Variants in DNAJC3 observed in about 807,000 individuals in gnomAD.
DNAJC3 encodes dnaJ homolog subfamily C member 3.
A neutral mutation model predicts 68.6 loss-of-function variants in DNAJC3; 38 were observed. The observed-to-expected ratio is 0.55, with a 90% CI of 0.43 to 0.73. The LOEUF is 0.73. DNAJC3 is among the 30% of genes least tolerant of loss of function. The pLI, the probability that DNAJC3 is intolerant of heterozygous loss-of-function variation, is 0.00. For missense variants in DNAJC3, 526 were observed against 591.9 expected, an observed-to-expected ratio of 0.89 and a Z score of 1.16; for synonymous variants, 203 against 204.0, an observed-to-expected ratio of 1.00 and a Z score of 0.04.
intron 4 of DNAJC3, among the ~76,000 whole-genome samples, chr13:95,730,175 G>A (rs1020037294): frequency 6.6e-6 from 1 of 151,946 alleles, no homozygotes; most frequent in Non-Finnish European, 1.5e-5. Flanking sequence ...AACATTTTTT[G>A]TAGAGATGGG....
intron 4 of DNAJC3, chr13:95,745,490 A>G (rs1251979722): frequency 1.3e-5 from 2 of 152,204 alleles, no homozygotes; most frequent in Non-Finnish European, 2.9e-5. Context: ...CCCCATTGAC[A>G]TTCCCCACCT....
intron 4 of DNAJC3, among the ~76,000 whole-genome samples, chr13:95,757,014 A>C (rs1028173100): frequency 2.0e-5 from 3 of 152,194 alleles, no homozygotes; most frequent in African/African-American, 7.2e-5. Context: ...GAGCAATTTT[A>C]TGCTATATAA....
At chr13:95,690,853 C>T (rs1385494038) in intron 1 of DNAJC3, among the ~76,000 whole-genome samples, 1 of 142,162 alleles carries the variant, frequency 7.0e-6, no homozygotes, top group Non-Finnish European at 1.6e-5. Context: ...CCTCACTTCC[C>T]AGTAGGGGCG....
chr13:95,730,815 G>A (rs1881685634), intron 4 of DNAJC3, among the ~76,000 whole-genome samples: 1 of 152,114 alleles, frequency 6.6e-6, no homozygotes, highest in Non-Finnish European at 1.5e-5. Flanking sequence ...CATATGAATT[G>A]TATGATTGTT....
chr13:95,767,043 A>G (rs1331364375), intron 9 of DNAJC3, among the ~76,000 whole-genome samples: 3 of 152,188 alleles, frequency 2.0e-5, no homozygotes, highest in African/African-American at 4.8e-5. Flanking sequence ...AAGATACAGT[A>G]TAAAATTTAC....
intron 2 of DNAJC3, among the ~76,000 whole-genome samples, chr13:95,710,623 G>A (rs1880924940): frequency 6.6e-6 from 1 of 152,078 alleles, no homozygotes; most frequent in Non-Finnish European, 1.5e-5. Context: ...ACCTTGATTT[G>A]AATGGTTGAG....
chr13:95,738,629 G>T (rs980611989), intron 4 of DNAJC3, among the ~76,000 whole-genome samples: 2 of 152,096 alleles, frequency 1.3e-5, no homozygotes, highest in African/African-American at 2.4e-5. Context: ...TGTTTTATCA[G>T]AGACAAGGAT....
At chr13:95,727,288 G>A (rs1007254504) in intron 4 of DNAJC3, among the ~76,000 whole-genome samples, 1 of 151,976 alleles carries the variant, frequency 6.6e-6, no homozygotes, top group Non-Finnish European at 1.5e-5. Flanking sequence ...GGCATTGGAT[G>A]TTTCTTCTGG....
chr13:95,709,412 C>A, intron 2 of DNAJC3, 75 bp downstream of exon 2: 1 of 1,019,164 alleles, frequency 9.8e-7, no homozygotes, highest in Non-Finnish European at 1.4e-6. Flanking sequence ...TTAAAAATAA[C>A]ATTTAAAATA....
intron 1 of DNAJC3, among the ~76,000 whole-genome samples, chr13:95,684,049 T>C (rs947163936): frequency 1.3e-5 from 2 of 151,958 alleles, no homozygotes; most frequent in African/African-American, 4.8e-5. Flanking sequence ...ATACCTGAAA[T>C]TGTAGAAGGA....
intron 1 of DNAJC3, among the ~76,000 whole-genome samples, chr13:95,704,928 C>A (rs1223158204): frequency 6.8e-6 from 1 of 147,644 alleles, no homozygotes; most frequent in Non-Finnish European, 1.5e-5. Flanking sequence ...CTCAGCTCAC[C>A]GCAACCTCCA....
At chr13:95,704,943 G>T (rs544466914) in intron 1 of DNAJC3, among the ~76,000 whole-genome samples, 1 of 148,660 alleles carries the variant, frequency 6.7e-6, no homozygotes, top group Non-Finnish European at 1.5e-5. Context: ...CCTCCACCTC[G>T]TGGGTTCAAG....
chr13:95,790,825 C>T, intron 11 of DNAJC3, 48 bp from the exon 12 acceptor site: 2 of 1,591,018 alleles, frequency 1.3e-6, no homozygotes, highest in Non-Finnish European at 1.7e-6. Flanking sequence ...CCCCCTGCCC[C>T]TATACCTTAG....
intron 1 of DNAJC3, among the ~76,000 whole-genome samples, chr13:95,701,601 C>A (rs971414162): frequency 2.0e-5 from 3 of 152,092 alleles, no homozygotes; most frequent in Non-Finnish European, 4.4e-5. Flanking sequence ...GAGATTTACT[C>A]GGTTCTCTTG....
intron 9 of DNAJC3, among the ~76,000 whole-genome samples, chr13:95,772,969 AG>A (rs1370804450): frequency 6.6e-6 from 1 of 152,138 alleles, no homozygotes; most frequent in African/African-American, 2.4e-5. Flanking sequence ...TTCAGTGTTA[AG>A]GATGTACTGG....
At chr13:95,772,064 C>T (rs1176486665) in intron 9 of DNAJC3, among the ~76,000 whole-genome samples, 2 of 152,218 alleles carry the variant, frequency 1.3e-5, no homozygotes, top group South Asian at 2.1e-4. Flanking sequence ...GTTGCAACTA[C>T]TCAGCTCTGC....
chr13:95,703,119 G>A (rs1880626282), intron 1 of DNAJC3, among the ~76,000 whole-genome samples: 1 of 152,100 alleles, frequency 6.6e-6, no homozygotes, highest in South Asian at 2.1e-4. Context: ...GGAAATACAG[G>A]GTTAAGTTTC....
intron 4 of DNAJC3, among the ~76,000 whole-genome samples, chr13:95,732,917 CAG>C (rs1881763503): frequency 6.6e-6 from 1 of 151,758 alleles, no homozygotes; most frequent in South Asian, 2.1e-4. Context: ...AATTTCTTGA[CAG>C]AGTTTTCATG....
intron 4 of DNAJC3, among the ~76,000 whole-genome samples, chr13:95,748,368 G>C (rs1373716163): frequency 2.0e-5 from 3 of 152,060 alleles, no homozygotes; most frequent in East Asian, 1.9e-4. Flanking sequence ...ACTCTCCTTT[G>C]GTAGTCTGTG....
Sources: gnomAD v4.1 joint callset for allele counts (sites outside exome capture counted in the v4.1 genomes callset) on GRCh38, gnomAD v4.1.1 for gene constraint, MANE v1.5 for transcripts, NCBI Gene and HGNC (gene_info 2026-07-23, HGNC 2026-07-21) for gene names.